Variants in NUP98 observed in about 807,000 individuals in gnomAD.
NUP98 encodes nucleoporin 98 and 96 precursor.
In NUP98, 26 loss-of-function variants were observed where a neutral mutation model predicts 191.9. The ratio of observed to expected loss-of-function variants is 0.14; its 90% confidence interval spans 0.10 to 0.19. The LOEUF (loss-of-function observed/expected upper bound fraction) is 0.19. Ranked by LOEUF, NUP98 falls within the 10% of genes least tolerant of loss-of-function variation. The probability of loss-of-function intolerance (pLI) is 1.00; values close to 1 mark genes in which losing one functional copy is unlikely to be tolerated. For missense variants in NUP98, 1,941 were observed against 2,178.8 expected, an observed-to-expected ratio of 0.89 and a Z score of 2.17; for synonymous variants, 808 against 778.4, an observed-to-expected ratio of 1.04 and a Z score of -0.63.
At chr11:3,749,816 T>C (rs550288702) in intron 11 of NUP98, among the ~76,000 whole-genome samples, 2 of 151,490 alleles carry the variant, frequency 1.3e-5, no homozygotes, top group South Asian at 4.2e-4. Context: ...TCTACTGTCA[T>C]GTATGAAAAG....
At chr11:3,710,033 A>G in intron 20 of NUP98, among the ~76,000 whole-genome samples, 1 of 151,476 alleles carries the variant, frequency 6.6e-6, no homozygotes. Context: ...AAAAACCTAC[A>G]CGTATCTCTA....
chr11:3,682,819 A>G (rs2078020208), intron 30 of NUP98, among the ~76,000 whole-genome samples: 2 of 152,250 alleles, frequency 1.3e-5, no homozygotes, highest in South Asian at 2.1e-4. Context: ...TAGTACCTGC[A>G]AAGTACAACA....
chr11:3,683,999 G>GGA (rs1238718818), intron 29 of NUP98, among the ~76,000 whole-genome samples: 1 of 101,038 alleles, frequency 9.9e-6, no homozygotes, highest in Admixed American at 1.4e-4. Context: ...CATGAGGTCA[G>GGA]GAGTTCAAGA....
chr11:3,777,872 T>C (rs2081800350), intron 4 of NUP98, among the ~76,000 whole-genome samples: 1 of 151,926 alleles, frequency 6.6e-6, no homozygotes, highest in Non-Finnish European at 1.5e-5. Flanking sequence ...GCTAAATATT[T>C]CAATGTTATA....
intron 2 of NUP98, among the ~76,000 whole-genome samples, chr11:3,780,602 A>C (rs2081936160): frequency 1.3e-5 from 2 of 151,524 alleles, no homozygotes; most frequent in Non-Finnish European, 2.9e-5. Context: ...TCTATTATTA[A>C]TTTTATTAGG....
rs535580790 is a variant in NUP98 at position 3,694,863 on chromosome 11, C to A, written c.4167+586G>T. Among the ~76,000 whole-genome samples the A allele has an allele frequency of 2.0e-5, 3 of 152,088 alleles. No individual in the cohort carries two copies. In the South Asian group the frequency reaches 6.2e-4, roughly 32 times the overall value. The stretch of plus-strand genomic sequence containing the variant: ...GCCAGGAGTTCAAGACAAGCCTAGG[C>A]AACATACTGAGACCCTATTGCTATA... On this transcript the variant is annotated intron_variant, in intron 26 of 32. Coordinates refer to ENST00000324932, the MANE Select transcript of NUP98 (RefSeq NM_016320.5).
chr11:3,776,370 C>T (rs1037431091), intron 4 of NUP98, among the ~76,000 whole-genome samples: 8 of 152,118 alleles, frequency 5.3e-5, no homozygotes, highest in African/African-American at 1.9e-4. Context: ...AGCAATCCTC[C>T]TACCTCGAAA....
At chr11:3,734,843 G>T (rs1223354504) in intron 13 of NUP98, among the ~76,000 whole-genome samples, 2 of 152,030 alleles carry the variant, frequency 1.3e-5, no homozygotes, top group African/African-American at 4.8e-5. Flanking sequence ...GAGGCGGGAG[G>T]ATTCCTTCCA....
At position 3,744,648 on chromosome 11, in the gene NUP98, A is replaced by T; in HGVS notation, c.1269T>A (p.Ala423=). Residue 423 remains alanine, a splice_region_variant and synonymous_variant, in exon 12 of 33, where the codon GCT becomes GCA. Coordinates refer to ENST00000324932, the MANE Select transcript of NUP98 (RefSeq NM_016320.5). ...GTGLGAGFGT[A]LGAGQASLFG... Reference sequence around the variant, plus strand: ...ACAAAGATGCCTGTCCAGCACCAAGAGCTACGGAGACAAGAGGAAAGAAAA... The same window carrying T: ...ACAAAGATGCCTGTCCAGCACCAAGTGCTACGGAGACAAGAGGAAAGAAAA... The T allele has an allele frequency of 6.2e-7, 1 of 1,602,390 alleles. No individual in the cohort carries two copies. Among genetic ancestry groups the T allele is most frequent in the Non-Finnish European group, 8.5e-7 (1 of 1,176,010 alleles).
At chr11:3,750,668 C>T (rs964790223) in intron 11 of NUP98, among the ~76,000 whole-genome samples, 2 of 151,792 alleles carry the variant, frequency 1.3e-5, no homozygotes, top group Admixed American at 1.3e-4. Flanking sequence ...CATTCTGTTA[C>T]CCAGGCTGGA....
At chr11:3,701,210 G>A (rs997154884) in intron 23 of NUP98, among the ~76,000 whole-genome samples, 2 of 150,748 alleles carry the variant, frequency 1.3e-5, no homozygotes, top group Admixed American at 6.6e-5. Flanking sequence ...CTAAAGAACT[G>A]ATTCTAAATT....
intron 11 of NUP98, among the ~76,000 whole-genome samples, chr11:3,752,605 AT>A (rs1347964013): frequency 6.6e-6 from 1 of 152,104 alleles, no homozygotes; most frequent in African/African-American, 2.4e-5. Flanking sequence ...AAAAAAACAG[AT>A]TAACTGGACA....
intron 9 of NUP98, 88 bp from the exon 10 acceptor site, chr11:3,760,714 G>T (rs1273623038): frequency 9.9e-7 from 1 of 1,013,274 alleles, no homozygotes; most frequent in Non-Finnish European, 1.4e-6. Flanking sequence ...TACTGGGTTG[G>T]GTATGGGGTG....
intron 28 of NUP98, among the ~76,000 whole-genome samples, chr11:3,688,222 G>A (rs1349998174): frequency 1.3e-5 from 2 of 151,794 alleles, no homozygotes; most frequent in Non-Finnish European, 2.9e-5. Flanking sequence ...GGCTAACATG[G>A]TGAAACCATG....
In NUP98 at chr11:3,723,356, A is replaced by T; in HGVS notation, c.1947T>A (p.Pro649=). ...CAGCACTTTCTGGGGTTTGAGGAATAGGTTTGGCAATAGGGTTAGTATAAA... is the reference window on the plus strand; with the variant it reads ...CAGCACTTTCTGGGGTTTGAGGAATTGGTTTGGCAATAGGGTTAGTATAAA... ...SHFYTNPIAK[P]IPQTPESAGN... is the part of the protein sequence containing the mutation. Residue 649 remains proline (P), a synonymous_variant, in exon 16 of 33, where the codon CCT becomes CCA. Transcript: ENST00000324932. 6.2e-7 allele frequency: 1 copy of T among 1,614,108 alleles called. No homozygotes were observed. Among genetic ancestry groups the T allele is most frequent in the Non-Finnish European group, 8.5e-7 (1 of 1,180,014 alleles).
chr11:3,688,403 C>T (rs916444238), intron 28 of NUP98, among the ~76,000 whole-genome samples: 7 of 151,464 alleles, frequency 4.6e-5, no homozygotes, highest in African/African-American at 1.7e-4. Flanking sequence ...GAGACTCCAT[C>T]TCAAAAAATA....
chr11:3,768,001 G>C (rs1455391000), intron 8 of NUP98, among the ~76,000 whole-genome samples: 1 of 152,062 alleles, frequency 6.6e-6, no homozygotes, highest in Non-Finnish European at 1.5e-5. Context: ...GCCAAGTCCA[G>C]CCCACTAAGT....
At chr11:3,683,138 T>C in intron 30 of NUP98, 62 bp downstream of exon 30, 2 of 1,600,700 alleles carry the variant, frequency 1.2e-6, no homozygotes, top group South Asian at 1.1e-5. Context: ...GACCCCATCA[T>C]GGAGGTTCAG....
At chr11:3,688,838 TA>T (rs2078215635) in intron 28 of NUP98, among the ~76,000 whole-genome samples, 2 of 146,682 alleles carry the variant, frequency 1.4e-5, no homozygotes, top group African/African-American at 2.5e-5. Context: ...TATATATATA[TA>T]TATTTATAAG....
Sources: gnomAD v4.1 joint callset for allele counts (sites outside exome capture counted in the v4.1 genomes callset) on GRCh38, gnomAD v4.1.1 for gene constraint, MANE v1.5 for transcripts, NCBI Gene and HGNC (gene_info 2026-07-23, HGNC 2026-07-21) for gene names.